The following RBMS3 variants were observed in gnomAD, a reference collection of about 807,000 sequenced individuals.
The protein encoded by RBMS3 is RNA binding motif single stranded interacting protein 3, also known as RNA-binding motif, single-stranded-interacting protein 3.
RBMS3 carries 27 observed loss-of-function variants against 66.8 expected under a neutral mutation model. The ratio of observed to expected loss-of-function variants is 0.40; its 90% CI spans 0.30 to 0.56. The LOEUF (loss-of-function observed/expected upper bound fraction) is 0.56, where lower values mean the gene tolerates loss of function less well. Ranked by LOEUF, RBMS3 falls within the 20% of genes least tolerant of loss-of-function variation. The probability of loss-of-function intolerance (pLI) is 0.40; values close to 1 mark genes in which losing one functional copy is unlikely to be tolerated. For synonymous variants in RBMS3, 188 were observed against 183.0 expected, an observed-to-expected ratio of 1.03 and a Z score of -0.22; for missense variants, 513 against 549.5, an observed-to-expected ratio of 0.93 and a Z score of 0.66.
intron 3 of RBMS3, among the ~76,000 whole-genome samples, chr3:29,520,319 G>C (rs2044806876): frequency 6.6e-6 from 1 of 151,736 alleles, no homozygotes; most frequent in Non-Finnish European, 1.5e-5. Context: ...TTATAGCTAG[G>C]GTTAAATTAA....
At chr3:29,929,309 A>T (rs1251748764) in intron 10 of RBMS3, among the ~76,000 whole-genome samples, 1 of 152,210 alleles carries the variant, frequency 6.6e-6, no homozygotes, top group Non-Finnish European at 1.5e-5. Flanking sequence ...CTACTGATAA[A>T]CTTGTTTCTG....
At chr3:29,361,847 T>A (rs112224604) in intron 1 of RBMS3, among the ~76,000 whole-genome samples, 1 of 152,254 alleles carries the variant, frequency 6.6e-6, no homozygotes, top group Admixed American at 6.5e-5. Context: ...AATCGGCTAC[T>A]GAAGCTTGTG....
chr3:29,368,052 C>A (rs1247132406), intron 1 of RBMS3, among the ~76,000 whole-genome samples: 1 of 152,200 alleles, frequency 6.6e-6, no homozygotes, highest in Non-Finnish European at 1.5e-5. Flanking sequence ...GAAACTGTAA[C>A]TAGCTCTTCA....
In RBMS3 at chr3:29,886,509, C is replaced by T. The variant is rs138026826; in HGVS notation, c.791+2301C>T. ...GATGACTTAGTTTATCAAGGATAGA[C>T]ATAGGGAAAGATGCTTATGGAGAAA... is the stretch of plus-strand genomic sequence containing the variant. On this transcript the variant is annotated intron_variant, in intron 8 of 14. Coordinates refer to ENST00000383767, the MANE Select transcript of RBMS3 (RefSeq NM_001003793.3). 3.3e-5 allele frequency among the ~76,000 whole-genome samples: 5 copies of T among 151,814 alleles called. No individual in the cohort carries two copies. The East Asian group carries it at 9.8e-4, about 30-fold the overall frequency.
intron 12 of RBMS3, among the ~76,000 whole-genome samples, chr3:29,958,218 C>T (rs1391563311): frequency 1.3e-5 from 2 of 152,074 alleles, no homozygotes; most frequent in East Asian, 1.9e-4. Flanking sequence ...TGACAGTCTG[C>T]AAGAAATATA....
chr3:29,322,829 G>C (rs1351536246), intron 1 of RBMS3, among the ~76,000 whole-genome samples: 1 of 152,112 alleles, frequency 6.6e-6, no homozygotes, highest in Non-Finnish European at 1.5e-5. Flanking sequence ...AGTCCAAGAG[G>C]GTAGCACCTC....
chr3:29,527,143 A>T (rs2045148597), intron 3 of RBMS3, among the ~76,000 whole-genome samples: 1 of 141,072 alleles, frequency 7.1e-6, no homozygotes, highest in African/African-American at 2.6e-5. Context: ...GGACCCAACG[A>T]GTGACAATAG....
chr3:29,581,888 A>G (rs1414865302), intron 3 of RBMS3, among the ~76,000 whole-genome samples: 1 of 152,154 alleles, frequency 6.6e-6, no homozygotes, highest in African/African-American at 2.4e-5. Flanking sequence ...AATACACCCC[A>G]ACACACACAC....
intron 4 of RBMS3, among the ~76,000 whole-genome samples, chr3:29,665,390 A>G (rs1335973041): frequency 6.6e-6 from 1 of 152,254 alleles, no homozygotes; most frequent in Non-Finnish European, 1.5e-5. Flanking sequence ...AATAGTTTAC[A>G]TAACTTAGCT....
chr3:29,348,714 A>T (rs1472568870), intron 1 of RBMS3, among the ~76,000 whole-genome samples: 2 of 152,184 alleles, frequency 1.3e-5, no homozygotes, highest in Non-Finnish European at 2.9e-5. Context: ...AAACTCCCTG[A>T]GCTCCAATTT....
chr3:29,311,615 C>T (rs1015740373), intron 1 of RBMS3, among the ~76,000 whole-genome samples: 4 of 151,694 alleles, frequency 2.6e-5, no homozygotes, highest in Non-Finnish European at 4.4e-5. Context: ...ATTTAATTCA[C>T]GTATTTGGAG....
intron 12 of RBMS3, among the ~76,000 whole-genome samples, chr3:29,971,842 C>G (rs1358398421): frequency 1.3e-5 from 2 of 151,794 alleles, no homozygotes. Context: ...AGCATTTGGA[C>G]TCAGATTGAG....
Position 29,981,597 on chromosome 3 carries a change from G to A in RBMS3, c.1099-6546G>A, listed in dbSNP as rs184117857. On this transcript the variant is annotated intron_variant, in intron 12 of 14. Coordinates refer to ENST00000383767, the MANE Select transcript of RBMS3 (RefSeq NM_001003793.3). Reference sequence around the variant, plus strand: ...TAAATAGCTCTTATTATTTTGATACGTTCCATCAATATCTAGTTTATTGAG... The same window carrying A: ...TAAATAGCTCTTATTATTTTGATACATTCCATCAATATCTAGTTTATTGAG... Among the ~76,000 whole-genome samples the A allele has an allele frequency of 9.9e-5, 15 of 151,976 alleles. No individual in the cohort carries two copies. In the East Asian group the frequency reaches 1.7e-3, roughly 18 times the overall value.
intron 8 of RBMS3, among the ~76,000 whole-genome samples, chr3:29,889,022 C>A (rs1459978262): frequency 6.6e-6 from 1 of 151,380 alleles, no homozygotes; most frequent in Non-Finnish European, 1.5e-5. Context: ...ACAGAAATCA[C>A]CTACCTACCT....
At chr3:29,328,505 G>A (rs565977284) in intron 1 of RBMS3, among the ~76,000 whole-genome samples, 19 of 152,142 alleles carry the variant, frequency 1.2e-4, no homozygotes, top group East Asian at 3.9e-4. Context: ...TGCTTTCCAC[G>A]GTTCCATGAA....
At chr3:29,567,369 G>A (rs190778992) in intron 3 of RBMS3, among the ~76,000 whole-genome samples, 35 of 152,172 alleles carry the variant, frequency 2.3e-4, no homozygotes, top group Middle Eastern at 3.4e-3. Flanking sequence ...GTAAAAATTG[G>A]TGGTAGAAAA....
At chr3:29,460,343 A>C (rs1417652454) in intron 2 of RBMS3, among the ~76,000 whole-genome samples, 2 of 152,246 alleles carry the variant, frequency 1.3e-5, no homozygotes. Context: ...TCCACATAGT[A>C]AGCATAGATA....
At chr3:29,986,098 T>C (rs1306324350) in intron 12 of RBMS3, among the ~76,000 whole-genome samples, 1 of 152,118 alleles carries the variant, frequency 6.6e-6, no homozygotes, top group African/African-American at 2.4e-5. Flanking sequence ...AACTTTAGAA[T>C]AGGAAATACT....
chr3:29,598,717 C>A (rs531213091), intron 4 of RBMS3, among the ~76,000 whole-genome samples: 116 of 151,990 alleles, frequency 7.6e-4, no homozygotes, highest in African/African-American at 2.6e-3. Flanking sequence ...CTTCTGTCTC[C>A]CCACCTCCGT....
Sources: gnomAD v4.1 joint callset for allele counts (sites outside exome capture counted in the v4.1 genomes callset) on GRCh38, gnomAD v4.1.1 for gene constraint, MANE v1.5 for transcripts, NCBI Gene and HGNC (gene_info 2026-07-23, HGNC 2026-07-21) for gene names.